MRPS27: variants seen among roughly 807,000 people sequenced by gnomAD.
MRPS27 encodes mitochondrial ribosomal protein S27.
MRPS27 carries 43 observed loss-of-function variants against 48.9 expected under a neutral mutation model. The ratio of observed to expected loss-of-function variants is 0.88; its 90% CI spans 0.69 to 1.13. The LOEUF (loss-of-function observed/expected upper bound fraction) is 1.13, where lower values mean the gene tolerates loss of function less well. Among genes scored for constraint, MRPS27 ranks in the 50% most tolerant of loss-of-function variants. The probability of loss-of-function intolerance (pLI) is 0.00; values close to 1 mark genes in which losing one functional copy is unlikely to be tolerated. For missense variants in MRPS27, 467 were observed against 476.3 expected, an observed-to-expected ratio of 0.98 and a Z score of 0.18; for synonymous variants, 188 against 171.9, an observed-to-expected ratio of 1.09 and a Z score of -0.73.
At position 72,226,145 on chromosome 5, in the gene MRPS27, A is replaced by C; in HGVS notation, c.749T>G (p.Ile250Arg). The change falls in exon 9 of 11, where the codon ATA becomes AGA. Residue 250 changes from isoleucine to arginine, a missense_variant. By Grantham distance (97) the Ile-to-Arg change is moderately conservative (BLOSUM62 -3). Coordinates refer to ENST00000261413, the MANE Select transcript of MRPS27 (RefSeq NM_015084.3). ...TCTGTCAAGGTAGCCTGGTTTCCAT[A>C]TCAGAGGCATGTTGTGGTACACAGC... The part of the protein sequence containing the change: ...LRAVYHNMPL[I>R]WKPGYLDRAL... The C allele has an allele frequency of 6.2e-7, 1 of 1,613,812 alleles. No individual in the cohort carries two copies. The highest frequency in any genetic ancestry group is 8.5e-7 in the Non-Finnish European group (1 of 1,179,828).
intron 2 of MRPS27, among the ~76,000 whole-genome samples, chr5:72,298,676 G>A (rs1750045101): frequency 1.5e-5 from 2 of 134,472 alleles, no homozygotes; most frequent in Middle Eastern, 0.011. Flanking sequence ...ACTGCAGTCC[G>A]CAGTCCGGCC....
In MRPS27 at chr5:72,320,154, G is replaced by A; in HGVS notation, c.68C>T (p.Pro23Leu). 1.9e-6 allele frequency: 3 copies of A among 1,613,958 alleles called. No homozygotes were observed. Among genetic ancestry groups the A allele is most frequent in the Middle Eastern group, 1.6e-4 (1 of 6,062 alleles). Residue 23 changes from proline to leucine, a missense_variant, in exon 1 of 11, where the codon CCT (proline) becomes CTT (leucine). Transcript: ENST00000261413. ...AATGAAGCTGTCCGGCCAACCTGCA[G>A]GAGAGAGCTGAGGAAGAACCACTTG... ...ARQVVLPQLS[P>L]AGKRYLLSSA...
chr5:72,256,231 T>G (rs1361453908), intron 4 of MRPS27, among the ~76,000 whole-genome samples: 1 of 152,216 alleles, frequency 6.6e-6, no homozygotes, highest in African/African-American at 2.4e-5. Flanking sequence ...TATTATGAAG[T>G]TCTGTTTTAT....
At chr5:72,246,079 C>T (rs1748505603) in intron 4 of MRPS27, among the ~76,000 whole-genome samples, 1 of 152,168 alleles carries the variant, frequency 6.6e-6, no homozygotes, top group Non-Finnish European at 1.5e-5. Context: ...GACAAGTTAT[C>T]TATCATTTTG....
At chr5:72,263,263 C>T (rs1173232529) in intron 4 of MRPS27, among the ~76,000 whole-genome samples, 1 of 152,018 alleles carries the variant, frequency 6.6e-6, no homozygotes, top group Non-Finnish European at 1.5e-5. Context: ...CACTATTGTG[C>T]ATAGTAGTAA....
At chr5:72,261,871 T>C (rs1018998327) in intron 4 of MRPS27, among the ~76,000 whole-genome samples, 1 of 152,202 alleles carries the variant, frequency 6.6e-6, no homozygotes, top group Non-Finnish European at 1.5e-5. Context: ...TTGGTAGTGG[T>C]TGCCACATTG....
intron 2 of MRPS27, among the ~76,000 whole-genome samples, chr5:72,302,406 G>A (rs1750149337): frequency 6.6e-6 from 1 of 152,174 alleles, no homozygotes; most frequent in Non-Finnish European, 1.5e-5. Context: ...CCAGAAGATT[G>A]TAGCCAATCA....
chr5:72,228,404 G>T, intron 7 of MRPS27, 36 bp from the exon 8 acceptor site: 1 of 1,410,560 alleles, frequency 7.1e-7, no homozygotes, highest in Non-Finnish European at 9.9e-7. Context: ...ATCCATCTAA[G>T]CAATGAGTAC....
intron 4 of MRPS27, among the ~76,000 whole-genome samples, chr5:72,248,732 C>T (rs1039099807): frequency 1.5e-5 from 2 of 136,562 alleles, no homozygotes; most frequent in African/African-American, 5.5e-5. Context: ...TCCAGACAGG[C>T]TTAACTGAAG....
chr5:72,295,624 T>C (rs1334632518), intron 3 of MRPS27, 35 bp from the exon 4 acceptor site: 4 of 1,530,646 alleles, frequency 2.6e-6, no homozygotes, highest in South Asian at 2.3e-5. Context: ...TGGTTGAATA[T>C]AAATTATGTC....
chr5:72,303,150 A>AGCG lies in MRPS27; in HGVS notation c.152-5449_152-5448insCGC, dbSNP rs1580113911. 2.0e-5 allele frequency among the ~76,000 whole-genome samples: 3 copies of AGCG among 152,380 alleles called. No individual in the cohort carries two copies. The East Asian group carries it at 5.8e-4, about 29-fold the overall frequency. Reference sequence around the variant, plus strand: ...AGAAGCGGAAGGAGAAAAGGGTTAAAGAATAGGAGAAAACTTTGGCAGGTG... The same window carrying AGCG: ...AGAAGCGGAAGGAGAAAAGGGTTAAAGCGGAATAGGAGAAAACTTTGGCAGGTG... On this transcript the variant is annotated intron_variant, in intron 2 of 10. Transcript: ENST00000261413.
rs527997149 is a variant in MRPS27 at position 72,259,542 on chromosome 5, T to C, written c.282-21414A>G. On this transcript the variant is annotated intron_variant, in intron 4 of 10. Transcript: ENST00000261413. ...CTTCCATTTGAAAATCTTTTTTAAATTGCAAGAAACTATCTTTTCTGAAAC... is the reference window on the plus strand; with the variant it reads ...CTTCCATTTGAAAATCTTTTTTAAACTGCAAGAAACTATCTTTTCTGAAAC... 5.9e-4 allele frequency among the ~76,000 whole-genome samples: 90 copies of C among 152,034 alleles called. 1 individual carries two copies. Among genetic ancestry groups the C allele is most frequent in the Admixed American group, 1.4e-3 (21 of 15,264 alleles).
chr5:72,310,026 G>C (rs12513776), intron 2 of MRPS27, among the ~76,000 whole-genome samples: 103,636 of 152,142 alleles, frequency 0.68, 36,583 homozygotes, highest in African/African-American at 0.87. Flanking sequence ...AGCCAGGGCT[G>C]TCAGTATGGA....
chr5:72,308,964 C>G (rs1413012994), intron 2 of MRPS27, among the ~76,000 whole-genome samples: 4 of 152,186 alleles, frequency 2.6e-5, no homozygotes, highest in Non-Finnish European at 5.9e-5. Flanking sequence ...TTTATAGGCA[C>G]AGAAACCGAG....
chr5:72,314,198 C>T (rs1561366819), intron 1 of MRPS27, 40 bp from the exon 2 acceptor site: 1 of 1,425,630 alleles, frequency 7.0e-7, no homozygotes, highest in South Asian at 1.2e-5. Flanking sequence ...CATGGTTTTA[C>T]AAGAGGTTCA....
rs1160330047 is a variant in MRPS27 at position 72,317,534 on chromosome 5, CA to C, written c.73+2614del. ...AGTAGCTGGGATTTCAGGCATGCGCCACCACGCCTAATTTTGTATTTTTAAT... is the reference window on the plus strand; with the variant it reads ...AGTAGCTGGGATTTCAGGCATGCGCCCCACGCCTAATTTTGTATTTTTAAT... On this transcript the variant is annotated intron_variant, in intron 1 of 10. Transcript: ENST00000261413. Among the ~76,000 whole-genome samples the C allele has an allele frequency of 7.9e-5, 12 of 151,846 alleles. 1 individual carries two copies. Among genetic ancestry groups the C allele is most frequent in the Non-Finnish European group, 1.5e-4 (10 of 67,994 alleles).
At chr5:72,247,357 A>G (rs1207218406) in intron 4 of MRPS27, among the ~76,000 whole-genome samples, 2 of 152,262 alleles carry the variant, frequency 1.3e-5, no homozygotes. Context: ...CATCAGTCAT[A>G]TACAAGTTTC....
chr5:72,284,467 T>C (rs1213835874), intron 4 of MRPS27, among the ~76,000 whole-genome samples: 2 of 150,210 alleles, frequency 1.3e-5, no homozygotes, highest in African/African-American at 4.9e-5. Context: ...TCCTTCTGTG[T>C]GTGTGTGTGA....
At chr5:72,278,397 C>G (rs550369278) in intron 4 of MRPS27, among the ~76,000 whole-genome samples, 1 of 146,422 alleles carries the variant, frequency 6.8e-6, no homozygotes, top group Non-Finnish European at 1.5e-5. Flanking sequence ...GAGCCGAGAT[C>G]GCGCCACTGC....
Sources: gnomAD v4.1 joint callset for allele counts (sites outside exome capture counted in the v4.1 genomes callset) on GRCh38, gnomAD v4.1.1 for gene constraint, MANE v1.5 for transcripts, NCBI Gene and HGNC (gene_info 2026-07-23, HGNC 2026-07-21) for gene names.